PLXDC2: variants seen among roughly 807,000 people sequenced by gnomAD.
PLXDC2 encodes plexin domain containing 2, also known as plexin domain-containing protein 2.
Under a neutral mutation model 68.9 loss-of-function variants are expected in PLXDC2, and 40 were observed. That is an observed-to-expected ratio of 0.58 (90% CI 0.45 to 0.76). The LOEUF (loss-of-function observed/expected upper bound fraction) is 0.76. Among genes scored for constraint, PLXDC2 ranks in the 30% least tolerant of loss-of-function variants. The pLI, the probability that PLXDC2 is intolerant of heterozygous loss-of-function variation, is 0.00. For synonymous variants in PLXDC2, 243 were observed against 234.2 expected (o/e 1.04, Z -0.34); for missense variants, 644 against 661.9 (o/e 0.97, Z 0.30).
At chr10:19,945,685 T>G (rs891055733) in intron 1 of PLXDC2, among the ~76,000 whole-genome samples, 1 of 152,148 alleles carries the variant, frequency 6.6e-6, no homozygotes, top group Admixed American at 6.5e-5. Context: ...TTCCATGTTA[T>G]CTTGTCTGTG....
intron 9 of PLXDC2, among the ~76,000 whole-genome samples, chr10:20,202,391 C>G (rs1420843881): frequency 2.0e-5 from 3 of 152,130 alleles, no homozygotes; most frequent in South Asian, 2.1e-4. Context: ...TTCCATCCAC[C>G]TGATGCAGGT....
At chr10:20,063,260 T>C (rs1836137346) in intron 3 of PLXDC2, among the ~76,000 whole-genome samples, 3 of 152,238 alleles carry the variant, frequency 2.0e-5, no homozygotes, top group Admixed American at 1.3e-4. Context: ...CGGTGACTAC[T>C]AATTTTCTTC....
chr10:20,208,066 A>G (rs1463413794), intron 9 of PLXDC2, among the ~76,000 whole-genome samples: 3 of 152,192 alleles, frequency 2.0e-5, no homozygotes, highest in African/African-American at 7.2e-5. Context: ...AAGAAAATAT[A>G]AGGCAAAAGT....
chr10:20,044,207 C>CTCTG (rs1249614464), intron 2 of PLXDC2, among the ~76,000 whole-genome samples: 32 of 90,002 alleles, frequency 3.6e-4, no homozygotes, highest in African/African-American at 6.8e-4. Context: ...CTCTCTCTCT[C>CTCTG]TCTGTCTTTC....
At chr10:19,976,666 T>C (rs1466053093) in intron 1 of PLXDC2, among the ~76,000 whole-genome samples, 1 of 152,218 alleles carries the variant, frequency 6.6e-6, no homozygotes, top group Non-Finnish European at 1.5e-5. Context: ...ATGTGTTCTA[T>C]CAGTCTGGAA....
intron 1 of PLXDC2, among the ~76,000 whole-genome samples, chr10:19,952,766 G>A (rs1834010705): frequency 1.3e-5 from 2 of 152,192 alleles, no homozygotes; most frequent in South Asian, 4.1e-4. Flanking sequence ...TAGAAGAATA[G>A]GCTAGTTGTT....
At chr10:20,172,440 A>C (rs1330827051) in intron 7 of PLXDC2, among the ~76,000 whole-genome samples, 1 of 152,128 alleles carries the variant, frequency 6.6e-6, no homozygotes, top group African/African-American at 2.4e-5. Flanking sequence ...CTGCGTGGAC[A>C]ATTTACTGTC....
intron 13 of PLXDC2, among the ~76,000 whole-genome samples, chr10:20,248,076 G>A (rs573522938): frequency 4.1e-4 from 63 of 152,288 alleles, no homozygotes; most frequent in East Asian, 2.9e-3. Context: ...TGCTACTGCC[G>A]TAACCCCTCA....
At chr10:19,876,042 G>A (rs1329019798) in intron 1 of PLXDC2, among the ~76,000 whole-genome samples, 1 of 152,048 alleles carries the variant, frequency 6.6e-6, no homozygotes, top group Non-Finnish European at 1.5e-5. Flanking sequence ...AAAATTTGAG[G>A]ACAATCAGTG....
chr10:20,224,177 T>G (rs1297863732), intron 12 of PLXDC2, among the ~76,000 whole-genome samples: 1 of 152,052 alleles, frequency 6.6e-6, no homozygotes, highest in African/African-American at 2.4e-5. Context: ...TTACGCCATG[T>G]TGGCCAGGCT....
intron 4 of PLXDC2, among the ~76,000 whole-genome samples, chr10:20,093,258 TTC>T (rs977031599): frequency 6.6e-6 from 1 of 152,306 alleles, no homozygotes; most frequent in East Asian, 1.9e-4. Context: ...TTTGTTTTCT[TTC>T]TCTCTCCCCA....
At position 20,284,407 on chromosome 10, in the gene PLXDC2, A is replaced by ATGTGTGTGTGTGTGTGTGTG. The variant is rs570410455; in HGVS notation, c.*4602_*4621dup. 7.4e-6 allele frequency: 1 copy of ATGTGTGTGTGTGTGTGTGTG among 135,898 alleles called. No homozygotes were observed. Among genetic ancestry groups the ATGTGTGTGTGTGTGTGTGTG allele is most frequent in the Admixed American group, 7.5e-5 (1 of 13,346 alleles). The allele number at this position is 135,898 out of a possible 1,614,324, so 8.4% of individuals were successfully genotyped here. On this transcript the variant is annotated 3_prime_UTR_variant, in exon 14 of 14. Coordinates refer to ENST00000377252, the MANE Select transcript of PLXDC2 (RefSeq NM_032812.9). The stretch of plus-strand genomic sequence containing the variant: ...ATATTTGATAGAGATGATAGCAATT[A>ATGTGTGTGTGTGTGTGTGTG]TGTGTGTGTGTGTGTGTGTGTGTGT...
chr10:20,206,379 G>C (rs1007536013), intron 9 of PLXDC2, among the ~76,000 whole-genome samples: 2 of 152,054 alleles, frequency 1.3e-5, no homozygotes, highest in Non-Finnish European at 2.9e-5. Context: ...TCTGAGCAAG[G>C]GTTGCTGAAT....
chr10:19,910,326 G>A (rs1291171303), intron 1 of PLXDC2, among the ~76,000 whole-genome samples: 5 of 151,974 alleles, frequency 3.3e-5, no homozygotes, highest in Non-Finnish European at 1.5e-5. Flanking sequence ...CAACATTTTT[G>A]TGACATGTAG....
intron 1 of PLXDC2, among the ~76,000 whole-genome samples, chr10:19,931,187 A>G (rs1341593930): frequency 1.3e-5 from 2 of 152,226 alleles, no homozygotes; most frequent in African/African-American, 4.8e-5. Context: ...TTTTCAAGGC[A>G]TGATCGGTTT....
chr10:20,012,814 C>T (rs1192709733), intron 2 of PLXDC2, among the ~76,000 whole-genome samples: 1 of 152,094 alleles, frequency 6.6e-6, no homozygotes, highest in Non-Finnish European at 1.5e-5. Context: ...TTTTGTGTTT[C>T]CCTGAAAGAA....
chr10:19,988,048 G>T (rs1310479408), intron 1 of PLXDC2, among the ~76,000 whole-genome samples: 1 of 151,996 alleles, frequency 6.6e-6, no homozygotes, highest in Non-Finnish European at 1.5e-5. Context: ...CCCAGCCTTT[G>T]TTAGTCATGA....
chr10:20,158,629 C>G lies in PLXDC2; in HGVS notation c.784-5839C>G, dbSNP rs145562373. On this transcript the variant is annotated intron_variant, in intron 6 of 13. Coordinates refer to ENST00000377252, the MANE Select transcript of PLXDC2 (RefSeq NM_032812.9). ...AGTGAACTGTGATTGCACCACTGCA[C>G]TCCAGCCTGGGCAACAGAATGAGAC... Among the ~76,000 whole-genome samples, 7 of 151,578 alleles carry G rather than the reference C, an allele frequency of 4.6e-5. No homozygotes were observed. The South Asian group carries it at 1.5e-3, about 32-fold the overall frequency.
chr10:19,845,255 C>T (rs1056602791), intron 1 of PLXDC2, among the ~76,000 whole-genome samples: 5 of 152,092 alleles, frequency 3.3e-5, no homozygotes, highest in African/African-American at 1.2e-4. Flanking sequence ...TTGTAATAAA[C>T]GTGTAGGATT....
Sources: gnomAD v4.1 joint callset for allele counts (sites outside exome capture counted in the v4.1 genomes callset) on GRCh38, gnomAD v4.1.1 for gene constraint, MANE v1.5 for transcripts, NCBI Gene and HGNC (gene_info 2026-07-23, HGNC 2026-07-21) for gene names.